Variants in PVT1 observed in about 807,000 individuals in gnomAD.
PVT1 encodes Pvt1 oncogene.
chr8:128,094,927 G>A (rs1048735439), intron 5 of PVT1, among the ~76,000 whole-genome samples: 3 of 152,312 alleles, frequency 2.0e-5, no homozygotes, highest in Admixed American at 6.5e-5. Context: ...AATCCATTGC[G>A]TCTTTTGCGT....
At chr8:127,983,040 G>A (rs1816902567) in intron 3 of PVT1, among the ~76,000 whole-genome samples, 1 of 152,112 alleles carries the variant, frequency 6.6e-6, no homozygotes. Context: ...TTAAGGGCTC[G>A]GCCTTACAGT....
intron 4 of PVT1, among the ~76,000 whole-genome samples, chr8:128,022,965 C>T (rs558499907): frequency 2.6e-5 from 4 of 151,072 alleles, no homozygotes; most frequent in African/African-American, 7.3e-5. Flanking sequence ...CTCCTGGGTT[C>T]AAGCAATTCT....
intron 4 of PVT1, among the ~76,000 whole-genome samples, chr8:128,049,922 A>G (rs962416667): frequency 1.2e-4 from 18 of 152,068 alleles, no homozygotes; most frequent in African/African-American, 4.1e-4. Context: ...GAAGGAAAGG[A>G]CACTGCTGTA....
At chr8:127,835,438 G>T (rs186296257) in intron 2 of PVT1, among the ~76,000 whole-genome samples, 4 of 151,100 alleles carry the variant, frequency 2.6e-5, no homozygotes, top group South Asian at 4.2e-4. Flanking sequence ...ACACACTGGG[G>T]CCTGTTGGGG....
intron 2 of PVT1, among the ~76,000 whole-genome samples, chr8:127,862,456 C>T (rs62512778): frequency 2.0e-5 from 3 of 152,206 alleles, no homozygotes; most frequent in East Asian, 1.9e-4. Context: ...GACAGGGTCT[C>T]GCTTTTTCAC....
At chr8:127,817,886 T>C (rs1814684395) in intron 2 of PVT1, among the ~76,000 whole-genome samples, 1 of 151,864 alleles carries the variant, frequency 6.6e-6, no homozygotes, top group African/African-American at 2.4e-5. Flanking sequence ...GAGAGAAAGA[T>C]CCGGCATGTG....
intron 2 of PVT1, among the ~76,000 whole-genome samples, chr8:127,849,212 A>T (rs1172408270): frequency 6.6e-6 from 1 of 152,148 alleles, no homozygotes; most frequent in East Asian, 1.9e-4. Context: ...TGGAGGTTTT[A>T]GGCTGGCAGA....
intron 3 of PVT1, among the ~76,000 whole-genome samples, chr8:127,919,223 G>A (rs967971445): frequency 3.9e-5 from 6 of 152,144 alleles, no homozygotes; most frequent in Non-Finnish European, 8.8e-5. Context: ...GTAGTATTTG[G>A]GCTGTTATGG....
chr8:128,034,179 CCTT>C (rs928789711), intron 4 of PVT1, among the ~76,000 whole-genome samples: 111 of 151,516 alleles, frequency 7.3e-4, no homozygotes, highest in African/African-American at 2.6e-3. Context: ...TTTCTCTCCT[CCTT>C]CTCCTCCTCC....
At chr8:128,093,792 C>A (rs1010274269) in intron 5 of PVT1, among the ~76,000 whole-genome samples, 1 of 151,958 alleles carries the variant, frequency 6.6e-6, no homozygotes, top group Non-Finnish European at 1.5e-5. Context: ...TGCGCGCCAC[C>A]ACGCCCAGTT....
At chr8:127,804,259 G>A (rs1259530671) in intron 2 of PVT1, among the ~76,000 whole-genome samples, 1 of 152,070 alleles carries the variant, frequency 6.6e-6, no homozygotes, top group Non-Finnish European at 1.5e-5. Flanking sequence ...GGTGGGGTTG[G>A]TAAATTCATA....
intron 3 of PVT1, among the ~76,000 whole-genome samples, chr8:127,981,137 G>A (rs1219802488): frequency 6.6e-6 from 1 of 152,166 alleles, no homozygotes; most frequent in East Asian, 1.9e-4. Flanking sequence ...TTCTGTGTGT[G>A]TGTGTGTTTG....
intron 3 of PVT1, among the ~76,000 whole-genome samples, chr8:127,984,588 C>T (rs1168613906): frequency 6.6e-6 from 1 of 152,220 alleles, no homozygotes; most frequent in Non-Finnish European, 1.5e-5. Flanking sequence ...CATCCCACCC[C>T]AGTCCAGGAG....
intron 4 of PVT1, among the ~76,000 whole-genome samples, chr8:128,047,221 G>A (rs1004530366): frequency 6.6e-6 from 1 of 152,128 alleles, no homozygotes; most frequent in African/African-American, 2.4e-5. Flanking sequence ...GGCTTTCTGT[G>A]TTCTTGAATC....
intron 3 of PVT1, among the ~76,000 whole-genome samples, chr8:127,896,591 T>G (rs1815679413): frequency 1.4e-5 from 2 of 138,932 alleles, no homozygotes; most frequent in African/African-American, 5.6e-5. Context: ...TTTTTCTGTA[T>G]AAGGGATTTT....
chr8:127,884,679 G>A (rs868181703), intron 2 of PVT1, among the ~76,000 whole-genome samples: 39 of 152,222 alleles, frequency 2.6e-4, no homozygotes, highest in African/African-American at 9.4e-4. Context: ...TACAGAAAGA[G>A]CAAATGAAAG....
intron 4 of PVT1, among the ~76,000 whole-genome samples, chr8:128,032,310 T>C (rs1042070709): frequency 1.3e-5 from 2 of 152,174 alleles, no homozygotes; most frequent in African/African-American, 4.8e-5. Flanking sequence ...TGTGGAGCTA[T>C]AGCAAGAAGG....
At chr8:128,049,699 C>T (rs1228124317) in intron 4 of PVT1, among the ~76,000 whole-genome samples, 1 of 152,172 alleles carries the variant, frequency 6.6e-6, no homozygotes, top group East Asian at 1.9e-4. Flanking sequence ...GGAGTGAGGT[C>T]AGGGGGCCTA....
chr8:127,936,926 G>A (rs1386986100), intron 3 of PVT1, among the ~76,000 whole-genome samples: 4 of 152,332 alleles, frequency 2.6e-5, no homozygotes, highest in South Asian at 2.1e-4. Context: ...GGGAGGGACC[G>A]GCTGAAGCAT....
Sources: allele counts gnomAD v4.1 joint callset (sites outside exome capture counted in the v4.1 genomes callset), GRCh38; gene constraint gnomAD v4.1.1; transcripts MANE v1.5; gene names NCBI Gene and HGNC (gene_info 2026-07-23, HGNC 2026-07-21).